Variants in ECT2 observed in about 807,000 individuals in gnomAD.
ECT2 encodes the protein epithelial cell transforming 2, also known as protein ECT2.
ECT2 carries 61 observed loss-of-function variants against 116.9 expected under a neutral mutation model. The observed-to-expected ratio is 0.52, with a 90% CI of 0.42 to 0.65. The LOEUF (loss-of-function observed/expected upper bound fraction) is 0.65, where lower values mean the gene tolerates loss of function less well. Among genes scored for constraint, ECT2 ranks in the 30% least tolerant of loss-of-function variants. ECT2 has a pLI of 0.00. For synonymous variants in ECT2, 358 were observed against 346.4 expected, an observed-to-expected ratio of 1.03 and a Z score of -0.37; for missense variants, 937 against 1,078.7, an observed-to-expected ratio of 0.87 and a Z score of 1.84.
At chr3:172,768,515 T>C (rs1213523993) in intron 12 of ECT2, among the ~76,000 whole-genome samples, 3 of 152,240 alleles carry the variant, frequency 2.0e-5, no homozygotes, top group African/African-American at 7.2e-5. Context: ...GATAGAGACA[T>C]ATTTCTTAAA....
At chr3:172,824,011 C>T (rs1730783675), downstream of ECT2, among the ~76,000 whole-genome samples, 1 of 150,654 alleles carries the variant, frequency 6.6e-6, no homozygotes, top group Non-Finnish European at 1.5e-5. Context: ...TATGTTCCTT[C>T]CGCTGCTTTT....
Position 172,759,645 on chromosome 3 carries a change from C to T in ECT2, c.577-511C>T, listed in dbSNP as rs1576846045. Among the ~76,000 whole-genome samples, 4 of 151,976 alleles carry T rather than the reference C, an allele frequency of 2.6e-5. No homozygotes were observed. The South Asian group carries it at 6.2e-4, about 24-fold the overall frequency. On this transcript the variant is annotated intron_variant, in intron 6 of 24. Coordinates refer to ENST00000392692, the MANE Select transcript of ECT2 (RefSeq NM_001258315.2). ...ATTTTTAGTAGAGATGGGGTTTCAC[C>T]GTGTTAGCCAGGATGGTCTTGATCT...
At chr3:172,760,122 C>T (rs759885055) in intron 6 of ECT2, 34 bp from the exon 7 acceptor site, 8 of 1,452,760 alleles carry the variant, frequency 5.5e-6, no homozygotes, top group Non-Finnish European at 7.5e-6. Flanking sequence ...TCAAATTAAC[C>T]ATAAAGTCAG....
chr3:172,772,291 C>T (rs1054858593), intron 13 of ECT2, among the ~76,000 whole-genome samples: 7 of 152,140 alleles, frequency 4.6e-5, no homozygotes, highest in African/African-American at 1.7e-4. Context: ...CTCCCAAGTT[C>T]ACCCCATTCT....
In ECT2 at chr3:172,762,923, G is replaced by A. The variant is rs1294744883; in HGVS notation, c.1019G>A (p.Ser340Asn). 1 of 1,613,824 alleles carries A rather than the reference G, an allele frequency of 6.2e-7. No individual in the cohort carries two copies. Among genetic ancestry groups the A allele is most frequent in the Non-Finnish European group, 8.5e-7 (1 of 1,179,814 alleles). The stretch of plus-strand genomic sequence containing the variant: ...TCTCTCACCTAGTGGTTCTGGGGAA[G>A]CATTCAAATGGATGCCCGAGCTGGA... ...YVVKQEWFWG[S>N]IQMDARAGET... The change falls in exon 11 of 25, where the codon AGC (serine) becomes AAC (asparagine). Residue 340 changes from serine to asparagine, a missense_variant. Physicochemically the swap from Ser to Asn is conservative, Grantham distance 46 (BLOSUM62 1). Coordinates refer to ENST00000392692, the MANE Select transcript of ECT2 (RefSeq NM_001258315.2).
At chr3:172,758,914 T>G in intron 5 of ECT2, 66 bp from the exon 6 acceptor site, 314 of 1,309,886 alleles carry the variant, frequency 2.4e-4, no homozygotes, top group Non-Finnish European at 3.0e-4. Flanking sequence ...ATATTTAGCT[T>G]GAGAAAGTTG....
At chr3:172,772,893 C>T (rs1400486384) in intron 13 of ECT2, among the ~76,000 whole-genome samples, 1 of 152,084 alleles carries the variant, frequency 6.6e-6, no homozygotes, top group East Asian at 1.9e-4. Flanking sequence ...TGCTTTTGGA[C>T]CTTTGCCTAA....
Position 172,808,010 on chromosome 3 carries a change from TTTATTATGA to T in ECT2, c.2400+87_2400+95del, listed in dbSNP as rs1414441858. On this transcript the variant is annotated intron_variant, in intron 22 of 24. Coordinates refer to ENST00000392692, the MANE Select transcript of ECT2 (RefSeq NM_001258315.2). ...AAACCTGTACATTTTTAATGACTTG[TTTATTATGA>T]ATGGAGAGTTTTAGTTTTGTGTATA... 2.5e-5 allele frequency: 33 copies of T among 1,301,306 alleles called. No individual in the cohort carries two copies. The Middle Eastern group carries it at 5.8e-4, about 23-fold the overall frequency. The allele number at this position is 1,301,306 out of a possible 1,614,324, so 80.6% of individuals were successfully genotyped here. A position where few individuals can be genotyped will look rare whatever the true frequency, so the allele number is the denominator to read the frequency against.
intron 7 of ECT2, among the ~76,000 whole-genome samples, chr3:172,760,739 G>A (rs1322491438): frequency 7.3e-5 from 1 of 13,758 alleles, no homozygotes; most frequent in Admixed American, 8.7e-4. Context: ...TTTTTTTTTT[G>A]AGACTGAGTC....
In ECT2 at chr3:172,820,259, T is replaced by G. The variant is rs1380578010; in HGVS notation, c.*22T>G. The stretch of plus-strand genomic sequence containing the variant: ...ATGAAGCGTTACCAAAATCTTAAAT[T>G]ATAGAAATGTATAGACACCTCATAC... On this transcript the variant is annotated 3_prime_UTR_variant, in exon 25 of 25. Transcript: ENST00000392692. The G allele has an allele frequency of 6.6e-7, 1 of 1,520,258 alleles. No homozygotes were observed. Among genetic ancestry groups the G allele is most frequent in the Admixed American group, 1.8e-5 (1 of 56,744 alleles). The allele number at this position is 1,520,258 out of a possible 1,614,324, so 94.2% of individuals were successfully genotyped here. A position where few individuals can be genotyped will look rare whatever the true frequency, so the allele number is the denominator to read the frequency against.
rs1293965402 is a variant in ECT2 at position 172,820,263 on chromosome 3, G to A, written c.*26G>A. The A allele has an allele frequency of 2.6e-6, 4 of 1,525,506 alleles. No individual in the cohort carries two copies. The South Asian group carries it at 4.7e-5, about 18-fold the overall frequency. 94.5% of individuals were successfully genotyped at this position (1,525,506 alleles called of 1,614,324 possible). ...AGCGTTACCAAAATCTTAAATTATA[G>A]AAATGTATAGACACCTCATACTCAA... On this transcript the variant is annotated 3_prime_UTR_variant, in exon 25 of 25. Transcript: ENST00000392692.
intron 18 of ECT2, among the ~76,000 whole-genome samples, chr3:172,795,383 G>C (rs1307353125): frequency 2.0e-5 from 3 of 151,558 alleles, no homozygotes; most frequent in Middle Eastern, 6.9e-3. Context: ...CTTGGAATTA[G>C]TGGTTAGACA....
In ECT2 at chr3:172,807,889, C is replaced by T. The variant is rs1291724943; in HGVS notation, c.2365C>T (p.Arg789Ter). The T allele has an allele frequency of 8.7e-6, 14 of 1,613,726 alleles. No homozygotes were observed. Among genetic ancestry groups the T allele is most frequent in the African/African-American group, 1.3e-5 (1 of 75,000 alleles). The part of the protein sequence containing the change: ...PKENWLKMLC[R>*]HVANTICKAD... ...AGAAAACTGGCTAAAGATGCTGTGT[C>T]GACATGTAGCTAACACCATTTGTAA... Residue 789 changes from arginine to a stop codon, truncating the protein, a stop_gained, in exon 22 of 25, where the codon CGA (arginine) becomes TGA (stop). Transcript: ENST00000392692. LOFTEE classifies it high-confidence loss of function.
chr3:172,816,810 T>G lies in ECT2; in HGVS notation c.2628T>G (p.Ser876Arg). Residue 876 changes from serine (S) to arginine (R), a missense_variant, in exon 24 of 25, where the codon AGT becomes AGG. By Grantham distance (110) the Ser-to-Arg change is moderately radical. Coordinates refer to ENST00000392692, the MANE Select transcript of ECT2 (RefSeq NM_001258315.2). ...CCAGCAATGATAAGCATGTAATGAG[T>G]CGTCTTTCTAGCACATCATCATTAG... The part of the protein sequence containing the change: ...SPSSNDKHVM[S>R]RLSSTSSLAG... 2 of 1,602,892 alleles carry G rather than the reference T, an allele frequency of 1.2e-6. No homozygotes were observed. Among genetic ancestry groups the G allele is most frequent in the Non-Finnish European group, 1.7e-6 (2 of 1,172,604 alleles).
intron 24 of ECT2, chr3:172,818,556 T>C: frequency 7.8e-7 from 1 of 1,278,290 alleles, no homozygotes; most frequent in Non-Finnish European, 1.0e-6. Flanking sequence ...AGATTACCCA[T>C]TCTGTTTCCA....
intron 12 of ECT2, among the ~76,000 whole-genome samples, chr3:172,768,468 G>T (rs1719957190): frequency 6.6e-6 from 1 of 152,070 alleles, no homozygotes; most frequent in Non-Finnish European, 1.5e-5. Context: ...GACATGATGT[G>T]CCTTTAGCTT....
At chr3:172,765,071 A>T (rs772534790) in intron 12 of ECT2, among the ~76,000 whole-genome samples, 1 of 152,126 alleles carries the variant, frequency 6.6e-6, no homozygotes, top group Admixed American at 6.6e-5. Flanking sequence ...TTATTGTCCC[A>T]TTTTTCTGTT....
In ECT2 at chr3:172,805,876, C is replaced by T. The variant is rs752006368; in HGVS notation, c.2245+7C>T. 16 of 1,610,378 alleles carry T rather than the reference C, an allele frequency of 9.9e-6. No individual in the cohort carries two copies. The highest frequency in any genetic ancestry group is 3.3e-5 in the South Asian group (3 of 90,350). On this transcript the variant is annotated splice_region_variant and intron_variant, in intron 21 of 24. Coordinates refer to ENST00000392692, the MANE Select transcript of ECT2 (RefSeq NM_001258315.2). ...GACATAAGAGAGACAGAAGGTATGCCGGTCGGATACATTCTTGGTTATATA... is the reference window on the plus strand; with the variant it reads ...GACATAAGAGAGACAGAAGGTATGCTGGTCGGATACATTCTTGGTTATATA...
chr3:172,762,594 C>A (rs745920922), intron 9 of ECT2, 48 bp downstream of exon 9: 3 of 1,575,168 alleles, frequency 1.9e-6, no homozygotes, highest in South Asian at 2.4e-5. Flanking sequence ...AGTCCCTAGG[C>A]CTGCTTAATC....
Sources: allele counts gnomAD v4.1 joint callset (sites outside exome capture counted in the v4.1 genomes callset), GRCh38; gene constraint gnomAD v4.1.1; transcripts MANE v1.5; gene names NCBI Gene and HGNC (gene_info 2026-07-23, HGNC 2026-07-21).